CTPS1: variants seen among roughly 807,000 people sequenced by gnomAD.
The protein encoded by CTPS1 is CTP synthetase 1.
In CTPS1, 25 loss-of-function variants were observed where a neutral mutation model predicts 80.5. The ratio of observed to expected loss-of-function variants is 0.31; its 90% CI spans 0.23 to 0.43. The LOEUF (loss-of-function observed/expected upper bound fraction) is 0.43. Among genes scored for constraint, CTPS1 ranks in the 20% least tolerant of loss-of-function variants. The probability of loss-of-function intolerance (pLI) is 1.00; values close to 1 mark genes in which losing one functional copy is unlikely to be tolerated. For synonymous variants in CTPS1, 267 were observed against 252.5 expected, an observed-to-expected ratio of 1.06 and a Z score of -0.54; for missense variants, 442 against 725.7, an observed-to-expected ratio of 0.61 and a Z score of 4.49.
At chr1:41,005,577 T>A (rs1025833147) in intron 12 of CTPS1, among the ~76,000 whole-genome samples, 2 of 152,210 alleles carry the variant, frequency 1.3e-5, no homozygotes, top group African/African-American at 2.4e-5. Flanking sequence ...CGTAAAAAAA[T>A]TCACGTGTGT....
intron 9 of CTPS1, among the ~76,000 whole-genome samples, chr1:40,997,825 A>T (rs1642794075): frequency 1.3e-5 from 2 of 152,164 alleles, no homozygotes; most frequent in South Asian, 4.1e-4. Context: ...CCACTGATGG[A>T]CCACAGGCAT....
At chr1:40,983,240 G>A in intron 1 of CTPS1, 38 bp from the exon 2 acceptor site, 1 of 1,568,872 alleles carries the variant, frequency 6.4e-7, no homozygotes, top group Non-Finnish European at 8.7e-7. Context: ...GGTTTGTTGA[G>A]ATACATTTAT....
Position 40,988,547 on chromosome 1 carries a change from A to C in CTPS1, c.439-47A>C, listed in dbSNP as rs1368196822. On this transcript the variant is annotated intron_variant, in intron 4 of 18. Transcript: ENST00000650070. ...ACAGTTGTTAGAAAACTAAACTGCC[A>C]GAGAAGGGTTTAGTGCCTAACCTCT... 6 of 1,284,826 alleles carry C rather than the reference A, an allele frequency of 4.7e-6. No individual in the cohort carries two copies. In the African/African-American group the frequency reaches 8.8e-5, roughly 19 times the overall value. 79.6% of individuals were successfully genotyped at this position (1,284,826 alleles called of 1,614,324 possible).
At chr1:41,006,318 C>A (rs1643033956) in intron 13 of CTPS1, among the ~76,000 whole-genome samples, 1 of 152,174 alleles carries the variant, frequency 6.6e-6, no homozygotes, top group Non-Finnish European at 1.5e-5. Flanking sequence ...AAGACAGGTA[C>A]CAGCCCAGGA....
rs1213131324 is a variant in CTPS1, at chr1:40,997,473, A to G, written c.952A>G (p.Ile318Val). 6.2e-7 allele frequency: 1 copy of G among 1,614,234 alleles called. No individual in the cohort carries two copies. Among genetic ancestry groups the G allele is most frequent in the South Asian group, 1.1e-5 (1 of 91,086 alleles). ...TKFSDSYASVIKALEHSALAI... is the reference protein window; with the variant it reads ...TKFSDSYASVVKALEHSALAI... ...GTTCTCAGACTCCTATGCCTCTGTC[A>G]TTAAGGCTCTGGAGCATTCTGCACT... is the stretch of plus-strand genomic sequence containing the variant. The change falls in exon 9 of 19, where the codon ATT becomes GTT. Residue 318 changes from isoleucine (I) to valine (V), a missense_variant. Around this residue, in one of 4 missense-constraint regions of CTPS1, gnomAD observed 321 missense variants for 467.2 expected, o/e 0.69. Coordinates refer to ENST00000650070, the MANE Select transcript of CTPS1 (RefSeq NM_001905.4).
At chr1:40,985,139 AC>A (rs1365565913) in intron 3 of CTPS1, 148 bp downstream of exon 3, 2 of 483,660 alleles carry the variant, frequency 4.1e-6, no homozygotes, top group African/African-American at 4.0e-5. Context: ...AGGTATTGTT[AC>A]TGAAATATGC....
chr1:40,993,301 T>G (rs537895529), intron 7 of CTPS1, among the ~76,000 whole-genome samples: 2 of 152,312 alleles, frequency 1.3e-5, no homozygotes, highest in African/African-American at 4.8e-5. Flanking sequence ...GCCACCCGTC[T>G]TGGCCTCCCA....
At chr1:40,994,847 A>G (rs1004684012) in intron 7 of CTPS1, among the ~76,000 whole-genome samples, 12 of 152,216 alleles carry the variant, frequency 7.9e-5, no homozygotes, top group Non-Finnish European at 1.2e-4. Flanking sequence ...TTAATTTACC[A>G]ATAATTTTTA....
At position 41,012,320 on chromosome 1, in the gene CTPS1, A is replaced by C. The variant is rs1643195203; in HGVS notation, c.*672A>C. On this transcript the variant is annotated 3_prime_UTR_variant, in exon 19 of 19. Transcript: ENST00000650070. ...AGGGCTGGGAAACACTCCTTGCATC[A>C]AGGGGTCACTTACAGAACAAAGAAT... is the stretch of plus-strand genomic sequence containing the variant. The C allele has an allele frequency of 6.6e-6, 1 of 152,166 alleles. No individual in the cohort carries two copies. The highest frequency in any genetic ancestry group is 2.4e-5 in the African/African-American group (1 of 41,442). 9.4% of individuals were successfully genotyped at this position (152,166 alleles called of 1,614,324 possible). A position where few individuals can be genotyped will look rare whatever the true frequency, so the allele number is the denominator to read the frequency against.
chr1:40,988,528 G>T, intron 4 of CTPS1, 66 bp from the exon 5 acceptor site: 1 of 1,020,306 alleles, frequency 9.8e-7, no homozygotes, highest in Non-Finnish European at 1.6e-6. Context: ...CAGAACAGTT[G>T]TTAGAAAACT....
chr1:40,996,071 T>G lies in CTPS1; in HGVS notation c.872+3T>G, dbSNP rs1373344019. Reference sequence around the variant, plus strand: ...AAATGGAAAGAGATGGCTGACAGGTTTGCCTGCAATGAGGAGCTGGGAGTG... The same window carrying G: ...AAATGGAAAGAGATGGCTGACAGGTGTGCCTGCAATGAGGAGCTGGGAGTG... On this transcript the variant is annotated splice_donor_region_variant and intron_variant, in intron 8 of 18. Coordinates refer to ENST00000650070, the MANE Select transcript of CTPS1 (RefSeq NM_001905.4). 1.2e-6 allele frequency: 2 copies of G among 1,614,140 alleles called. No individual in the cohort carries two copies. The highest frequency in any genetic ancestry group is 1.1e-5 in the South Asian group (1 of 91,080).
At chr1:40,990,499 T>G (rs1436559244) in intron 5 of CTPS1, among the ~76,000 whole-genome samples, 2 of 152,038 alleles carry the variant, frequency 1.3e-5, no homozygotes, top group Non-Finnish European at 2.9e-5. Context: ...AAAATTCTAG[T>G]GGAGGCTGAG....
chr1:40,982,912 G>C (rs1201012610), intron 1 of CTPS1, among the ~76,000 whole-genome samples: 1 of 152,196 alleles, frequency 6.6e-6, no homozygotes, highest in East Asian at 1.9e-4. Context: ...GCACCTGCCT[G>C]GTATCCCAGT....
Position 41,007,424 on chromosome 1 carries a change from G to A in CTPS1, c.1297-25G>A, listed in dbSNP as rs765708384. On this transcript the variant is annotated intron_variant, in intron 13 of 18. Coordinates refer to ENST00000650070, the MANE Select transcript of CTPS1 (RefSeq NM_001905.4). This position sits in a 1 kb window ranked among gnomAD's most constrained non-coding sequence, Gnocchi z 4.4. ...TAGCGGAAGCAGAGTTCTGTAGTTGGTGTCTGTTTTCTGAACATCTCCAGG... is the reference window on the plus strand; with the variant it reads ...TAGCGGAAGCAGAGTTCTGTAGTTGATGTCTGTTTTCTGAACATCTCCAGG... The A allele has an allele frequency of 4.4e-6, 7 of 1,606,304 alleles. No individual in the cohort carries two copies. Among genetic ancestry groups the A allele is most frequent in the African/African-American group, 2.7e-5 (2 of 74,776 alleles).
chr1:40,979,899 C>T (rs1651775659), intron 1 of CTPS1, 70 bp downstream of exon 1: 1 of 152,230 alleles, frequency 6.6e-6, no homozygotes, highest in Non-Finnish European at 1.5e-5. Context: ...CGAGCTGAGC[C>T]CGGCGCCGAA....
intron 12 of CTPS1, 34 bp downstream of exon 12, chr1:41,003,210 G>A (rs774884861): frequency 6.8e-6 from 11 of 1,611,582 alleles, no homozygotes; most frequent in Middle Eastern, 1.6e-4. Context: ...TTCAATTCCC[G>A]CTTGTGTATT....
chr1:40,995,979 G>C lies in CTPS1; in HGVS notation c.783G>C (p.Gly261=). ...TCCCCTTGTTGTTAGAGGAGCAAGG[G>C]GTTGTAGATTATTTTCTTCGAAGAC... ...YRVPLLLEEQ[G]VVDYFLRRLD... The change falls in exon 8 of 19, where the codon GGG becomes GGC. Residue 261 remains glycine (G), a synonymous_variant. Transcript: ENST00000650070. 6.2e-7 allele frequency: 1 copy of C among 1,614,160 alleles called. No homozygotes were observed. The highest frequency in any genetic ancestry group is 8.5e-7 in the Non-Finnish European group (1 of 1,180,008).
chr1:40,982,381 T>C (rs1379643883), intron 1 of CTPS1, among the ~76,000 whole-genome samples: 1 of 149,612 alleles, frequency 6.7e-6, no homozygotes, highest in Non-Finnish European at 1.5e-5. Context: ...TGTTAAATTA[T>C]AGAAGAGAAC....
At position 41,012,308 on chromosome 1, in the gene CTPS1, ACT is replaced by A. The variant is rs887100387; in HGVS notation, c.*662_*663del. The A allele has an allele frequency of 1.3e-5, 2 of 151,954 alleles. No individual in the cohort carries two copies. The highest frequency in any genetic ancestry group is 4.8e-5 in the African/African-American group (2 of 41,332). 9.4% of individuals were successfully genotyped at this position (151,954 alleles called of 1,614,324 possible). ...CTTCCTATTTCTAGGGCTGGGAAAC[ACT>A]CCTTGCATCAAGGGGTCACTTACAG... On this transcript the variant is annotated 3_prime_UTR_variant, in exon 19 of 19. Transcript: ENST00000650070.
Sources: allele counts gnomAD v4.1 joint callset (sites outside exome capture counted in the v4.1 genomes callset), GRCh38; gene constraint gnomAD v4.1.1; regional missense constraint gnomAD v4.1.1; non-coding constraint Gnocchi (gnomAD v3.1); transcripts MANE v1.5; gene names NCBI Gene and HGNC (gene_info 2026-07-23, HGNC 2026-07-21).